Variants in GPSM1 observed in about 807,000 individuals in gnomAD.
The protein encoded by GPSM1 is G protein signaling modulator 1, also known as G protein-signaling modulator 1.
In GPSM1, 48 loss-of-function variants were observed where a neutral mutation model predicts 70.5. The ratio of observed to expected loss-of-function variants is 0.68; its 90% confidence interval spans 0.54 to 0.87. The LOEUF (loss-of-function observed/expected upper bound fraction) is 0.87, where lower values mean the gene tolerates loss of function less well. Ranked by LOEUF, GPSM1 falls within the 40% of genes least tolerant of loss-of-function variation. The pLI, the probability that GPSM1 is intolerant of heterozygous loss-of-function variation, is 0.00. For synonymous variants in GPSM1, 416 were observed against 430.1 expected (o/e 0.97, Z 0.41); for missense variants, 981 against 972.6 (o/e 1.01, Z -0.11).
chr9:136,358,834 G>C lies in GPSM1; in HGVS notation c.*614G>C. 6.4e-6 allele frequency: 1 copy of C among 155,618 alleles called. No individual in the cohort carries two copies. 9.6% of individuals were successfully genotyped at this position (155,618 alleles called of 1,614,324 possible). ...CTGAGGTGCCCCCCGCCGAGTCCCA[G>C]GGCCCTGCAGGGGCCTCGACAGGAG... is the stretch of plus-strand genomic sequence containing the variant. On this transcript the variant is annotated 3_prime_UTR_variant, in exon 14 of 14. Transcript: ENST00000440944.
At chr9:136,337,666 G>A in intron 5 of GPSM1, 102 bp downstream of exon 5, 1 of 1,206,602 alleles carries the variant, frequency 8.3e-7, no homozygotes, top group South Asian at 1.3e-5. Flanking sequence ...GGTATGGCCA[G>A]GCAGCAGGCC....
At chr9:136,337,777 G>C (rs1832280854) in intron 5 of GPSM1, 69 bp from the exon 6 acceptor site, 3 of 1,252,782 alleles carry the variant, frequency 2.4e-6, no homozygotes, top group Non-Finnish European at 3.5e-6. Context: ...CAGGGAGGCA[G>C]CCCCTGTCCG....
At chr9:136,348,517 T>C (rs1398011469) in intron 9 of GPSM1, among the ~76,000 whole-genome samples, 180 bp from the exon 10 acceptor site, 1 of 152,186 alleles carries the variant, frequency 6.6e-6, no homozygotes, top group African/African-American at 2.4e-5. Context: ...CCTTTGACTC[T>C]GACAGTACAG....
Position 136,327,760 on chromosome 9 carries a change from C to T in GPSM1, c.65C>T (p.Ser22Phe), listed in dbSNP as rs1554768065. 5 of 1,170,588 alleles carry T rather than the reference C, an allele frequency of 4.3e-6. No homozygotes were observed. In the East Asian group the frequency reaches 1.9e-4, roughly 44 times the overall value. The allele number at this position is 1,170,588 out of a possible 1,614,324, so 72.5% of individuals were successfully genotyped here. A position where few individuals can be genotyped will look rare whatever the true frequency, so the allele number is the denominator to read the frequency against. ...GGCCCGGCCGCCAGGCGCCTCTACT[C>T]CAGGTAGGACGGGCCGGGGCCGGGG... Reference protein sequence around the residue: ...LPGPAARRLYSRMEASCLELA... With the variant: ...LPGPAARRLYFRMEASCLELA... The change falls in exon 1 of 14, where the codon TCC (serine) becomes TTC (phenylalanine). Residue 22 changes from serine (S) to phenylalanine (F), a missense_variant. Coordinates refer to ENST00000440944, the MANE Select transcript of GPSM1 (RefSeq NM_001145638.3).
chr9:136,348,431 G>A (rs1450205250), intron 9 of GPSM1, among the ~76,000 whole-genome samples: 2 of 152,194 alleles, frequency 1.3e-5, no homozygotes, highest in Non-Finnish European at 2.9e-5. Context: ...CCAGAGCCGG[G>A]CCCTTCCAGC....
At position 136,358,203 on chromosome 9, in the gene GPSM1, C is replaced by T. The variant is rs782545806; in HGVS notation, c.2011C>T (p.Gln671Ter). ...CCCGCCCGAGCCCCAGCAGCAGTGC[C>T]AGCCTGGTGCGAGCTAAGGCCCTGT... ...GGPPEPQQQC[Q>*]PGAS is the part of the protein sequence containing the mutation. Residue 671 changes from glutamine (Q) to a stop codon, truncating the protein, a stop_gained, in exon 14 of 14, where the codon CAG becomes TAG. Coordinates refer to ENST00000440944, the MANE Select transcript of GPSM1 (RefSeq NM_001145638.3). LOFTEE classifies it high-confidence loss of function. 4 of 1,553,766 alleles carry T rather than the reference C, an allele frequency of 2.6e-6. No individual in the cohort carries two copies. The South Asian group carries it at 4.7e-5, about 18-fold the overall frequency.
intron 3 of GPSM1, 39 bp downstream of exon 3, chr9:136,336,140 G>C: frequency 6.3e-7 from 1 of 1,596,438 alleles, no homozygotes; most frequent in Middle Eastern, 1.7e-4. Flanking sequence ...TCCCACCCCT[G>C]CACCGGCCTG....
chr9:136,345,433 T>G (rs1232170442), intron 9 of GPSM1, among the ~76,000 whole-genome samples: 1 of 152,194 alleles, frequency 6.6e-6, no homozygotes, highest in Non-Finnish European at 1.5e-5. Flanking sequence ...GAGGGTGCAT[T>G]GAGCCAGGCG....
Position 136,355,746 on chromosome 9 carries a change from G to C in GPSM1, c.1512G>C (p.Lys504Asn). The C allele has an allele frequency of 6.2e-7, 1 of 1,612,478 alleles. No individual in the cohort carries two copies. Among genetic ancestry groups the C allele is most frequent in the Non-Finnish European group, 8.5e-7 (1 of 1,179,560 alleles). The change falls in exon 12 of 14, where the codon AAG (lysine) becomes AAC (asparagine). Residue 504 changes from lysine (K) to asparagine (N), a missense_variant. Transcript: ENST00000440944. Reference protein sequence around the residue: ...DEECFFDLLTKFQSSRMDDQR... With the variant: ...DEECFFDLLTNFQSSRMDDQR... ...AGTGCTTCTTTGACCTGTTGACCAA[G>C]TTCCAGAGCAGCCGCATGGACGACC... is the stretch of plus-strand genomic sequence containing the variant.
At position 136,340,141 on chromosome 9, in the gene GPSM1, C is replaced by T. The variant is rs1392638301; in HGVS notation, c.1083+326C>T. Among the ~76,000 whole-genome samples the T allele has an allele frequency of 1.3e-5, 2 of 152,166 alleles. No homozygotes were observed. Among genetic ancestry groups the T allele is most frequent in the South Asian group, 2.1e-4 (1 of 4,834 alleles). ...CATCACAGATGAACTGTGGGCCTCC[C>T]GGCTCCCGGCCTGTCCTTACATCAC... is the stretch of plus-strand genomic sequence containing the variant. On this transcript the variant is annotated intron_variant, in intron 8 of 13. Coordinates refer to ENST00000440944, the MANE Select transcript of GPSM1 (RefSeq NM_001145638.3). The surrounding 1 kb of genome is among the most constrained non-coding windows in gnomAD (Gnocchi z 7.3).
At chr9:136,356,926 T>C (rs1453201376) in intron 13 of GPSM1, among the ~76,000 whole-genome samples, 5 of 152,102 alleles carry the variant, frequency 3.3e-5, no homozygotes, top group Admixed American at 2.0e-4. Flanking sequence ...ACGGGCCAGA[T>C]AGCACCCCCA....
chr9:136,358,218 T>C lies in GPSM1; in HGVS notation c.2026T>C (p.Ter676GlnextTer126). The C allele has an allele frequency of 6.5e-7, 1 of 1,544,246 alleles. No individual in the cohort carries two copies. The highest frequency in any genetic ancestry group is 8.7e-7 in the Non-Finnish European group (1 of 1,149,724). ...PQQQCQPGAS[*>Q] ...GCAGCAGTGCCAGCCTGGTGCGAGC[T>C]AAGGCCCTGTGCCCACCGCCAGGCC... The change falls in exon 14 of 14, where the codon TAA becomes CAA. Residue 676 changes from the stop codon to glutamine (Q), a stop_lost. Transcript: ENST00000440944.
Position 136,334,655 on chromosome 9 carries a change from C to CTCCTGCTGGCGCGGTGAGTGGGGACGG in GPSM1, c.289_290+25dup. 1.2e-6 allele frequency: 2 copies of CTCCTGCTGGCGCGGTGAGTGGGGACGG among 1,611,158 alleles called. No individual in the cohort carries two copies. The highest frequency in any genetic ancestry group is 1.7e-6 in the Non-Finnish European group (2 of 1,179,526). ...GGCGCTGGAATACCACAAGCATGACCTCCTGCTGGCGCGGTGAGTGGGGAC... is the reference window on the plus strand; with the variant it reads ...GGCGCTGGAATACCACAAGCATGACCTCCTGCTGGCGCGGTGAGTGGGGACGGTCCTGCTGGCGCGGTGAGTGGGGAC... On this transcript the variant is annotated stop_gained and inframe_insertion, in exon 2 of 14. Transcript: ENST00000440944. LOFTEE classifies it high-confidence loss of function.
At chr9:136,352,737 G>A (rs1400314729) in intron 11 of GPSM1, among the ~76,000 whole-genome samples, 1 of 152,244 alleles carries the variant, frequency 6.6e-6, no homozygotes, top group Non-Finnish European at 1.5e-5. Flanking sequence ...TTCCCCACCT[G>A]GCCCAGCTCT....
intron 1 of GPSM1, 92 bp from the exon 2 acceptor site, chr9:136,334,355 A>G: frequency 1.2e-6 from 1 of 839,862 alleles, no homozygotes; most frequent in Non-Finnish European, 1.9e-6. Context: ...TAGCCCACCC[A>G]GGGGCGTCGT....
rs111718600 is a variant in GPSM1 at position 136,350,571 on chromosome 9, A to G, written c.1455+808A>G. Among the ~76,000 whole-genome samples the G allele has an allele frequency of 7.5e-3, 1,149 of 152,288 alleles. 11 individuals are homozygous for G. Among genetic ancestry groups the G allele is most frequent in the African/African-American group, 0.025 (1,042 of 41,568 alleles). ...GTGAGTGGGGTCATGGAGGGGATGC[A>G]GCTGGGTGGCCTGTGCATGGCTGCA... is the stretch of plus-strand genomic sequence containing the variant. On this transcript the variant is annotated intron_variant, in intron 11 of 13. Transcript: ENST00000440944.
rs781859268 is a variant in GPSM1, at chr9:136,358,036, G to A, written c.1844G>A (p.Arg615His). The change falls in exon 14 of 14, where the codon CGC becomes CAC. Residue 615 changes from arginine to histidine, a missense_variant. Physicochemically the swap from Arg to His is conservative, Grantham distance 29. Transcript: ENST00000440944. ...KYQSSRIDDQ[R>H]CPPPDVLPRG... ...CAGTCCTCCAGGATCGATGACCAGC[G>A]CTGCCCGCCACCTGACGTACTGCCC... The A allele has an allele frequency of 1.1e-5, 18 of 1,612,436 alleles. No individual in the cohort carries two copies. In the Admixed American group the frequency reaches 1.5e-4, roughly 13 times the overall value.
At chr9:136,348,584 C>CCA in intron 9 of GPSM1, 113 bp from the exon 10 acceptor site, 1 of 697,678 alleles carries the variant, frequency 1.4e-6, no homozygotes, top group Non-Finnish European at 2.4e-6. Context: ...GGGGGGCTGG[C>CCA]TGTCAGAAAG....
chr9:136,345,764 G>A (rs782236022), intron 9 of GPSM1, among the ~76,000 whole-genome samples: 6 of 152,300 alleles, frequency 3.9e-5, no homozygotes, highest in Middle Eastern at 3.4e-3. Context: ...CAGCACAGAC[G>A]TGCTCCTCTG....
Sources: gnomAD v4.1 joint callset for allele counts (sites outside exome capture counted in the v4.1 genomes callset) on GRCh38, gnomAD v4.1.1 for gene constraint, Gnocchi (gnomAD v3.1) non-coding constraint, MANE v1.5 for transcripts, NCBI Gene and HGNC (gene_info 2026-07-23, HGNC 2026-07-21) for gene names.